Variants in SKIC3 observed in about 807,000 individuals in gnomAD.
SKIC3 encodes the protein superkiller complex protein 3.
chr5:95,487,744 A>C, the SKIC3 span, among the ~76,000 whole-genome samples: 1 of 152,232 alleles, frequency 6.6e-6, no homozygotes, highest in Admixed American at 6.5e-5. Context: ...CTAGATATGC[A>C]TATATCAATG....
the SKIC3 span, chr5:95,525,574 TA>T: frequency 1.2e-6 from 2 of 1,613,964 alleles, no homozygotes; most frequent in Non-Finnish European, 1.7e-6. Flanking sequence ...TCAGTTTGAA[TA>T]AAAAAGCCAA....
the SKIC3 span, chr5:95,513,405 C>A: frequency 1.4e-6 from 1 of 701,384 alleles, no homozygotes; most frequent in Non-Finnish European, 2.5e-6. Flanking sequence ...CAGGGTCTTG[C>A]TATATTGTCC....
the SKIC3 span, among the ~76,000 whole-genome samples, chr5:95,538,705 A>G: frequency 6.6e-6 from 1 of 152,148 alleles, no homozygotes; most frequent in African/African-American, 2.4e-5. Context: ...TAGTCTTACA[A>G]AAATTCTCTT....
the SKIC3 span, among the ~76,000 whole-genome samples, chr5:95,499,156 G>A: frequency 6.6e-6 from 1 of 152,146 alleles, no homozygotes; most frequent in South Asian, 2.1e-4. Context: ...AAGTGATATG[G>A]TTTGGACCTG....
At chr5:95,529,264 T>C in the SKIC3 span, 18 of 710,348 alleles carry the variant, frequency 2.5e-5, no homozygotes, top group East Asian at 3.3e-4. Context: ...TTCCCCACCA[T>C]ACATTTTTCT....
the SKIC3 span, among the ~76,000 whole-genome samples, chr5:95,504,876 G>C: frequency 6.6e-6 from 1 of 151,924 alleles, no homozygotes; most frequent in Non-Finnish European, 1.5e-5. Flanking sequence ...ATGGTGGTGG[G>C]TGCCTGTAAT....
the SKIC3 span, chr5:95,497,595 A>G: frequency 3.7e-6 from 3 of 808,994 alleles, no homozygotes; most frequent in Non-Finnish European, 6.1e-6. Context: ...TATCTAAAAC[A>G]AGTTCATATT....
At chr5:95,540,939 G>A in the SKIC3 span, 8 of 1,090,730 alleles carry the variant, frequency 7.3e-6, no homozygotes, top group Non-Finnish European at 1.1e-5. Flanking sequence ...TATAAAAATA[G>A]CAAAAGCATA....
the SKIC3 span, among the ~76,000 whole-genome samples, chr5:95,546,029 G>A: frequency 3.3e-5 from 5 of 151,960 alleles, no homozygotes; most frequent in Admixed American, 2.0e-4. Flanking sequence ...TATCCTAAAC[G>A]CTTTTTCCAT....
the SKIC3 span, among the ~76,000 whole-genome samples, chr5:95,472,329 TTC>T: frequency 6.6e-6 from 1 of 152,214 alleles, no homozygotes; most frequent in Non-Finnish European, 1.5e-5. Flanking sequence ...CTGTTGACCA[TTC>T]TCTCCCAGAA....
chr5:95,488,007 C>G, the SKIC3 span, among the ~76,000 whole-genome samples: 41 of 151,876 alleles, frequency 2.7e-4, 1 homozygote, highest in Admixed American at 2.4e-3. Flanking sequence ...AATAACCAAA[C>G]AAATTCTAGA....
At chr5:95,467,408 A>G in the SKIC3 span, among the ~76,000 whole-genome samples, 1 of 152,162 alleles carries the variant, frequency 6.6e-6, no homozygotes, top group Non-Finnish European at 1.5e-5. Flanking sequence ...GTACTCAAAA[A>G]GTGTCAGATT....
At chr5:95,544,058 A>C in the SKIC3 span, among the ~76,000 whole-genome samples, 1,547 of 152,344 alleles carry the variant, frequency 0.01, 19 homozygotes, top group South Asian at 0.036. Flanking sequence ...CCATGAGTTA[A>C]GCGAGTCATA....
the SKIC3 span, among the ~76,000 whole-genome samples, chr5:95,524,910 G>C: frequency 6.6e-6 from 1 of 151,680 alleles, no homozygotes; most frequent in Non-Finnish European, 1.5e-5. Flanking sequence ...TTGAGTCCGA[G>C]TCTTGCTCTG....
At chr5:95,478,628 C>A in the SKIC3 span, among the ~76,000 whole-genome samples, 8 of 152,242 alleles carry the variant, frequency 5.3e-5, no homozygotes, top group African/African-American at 9.6e-5. Flanking sequence ...CTTTTAACAA[C>A]AGCTGCCTAT....
chr5:95,532,729 T>C, the SKIC3 span, among the ~76,000 whole-genome samples: 3 of 152,236 alleles, frequency 2.0e-5, no homozygotes, highest in East Asian at 3.9e-4. Flanking sequence ...TTAAAACAGT[T>C]AGACAATATT....
chr5:95,495,331 T>TC, the SKIC3 span: 1 of 282,740 alleles, frequency 3.5e-6, no homozygotes, highest in African/African-American at 2.2e-5. Flanking sequence ...CTGAGAGAGA[T>TC]CACAAAGATA....
At chr5:95,525,594 G>T in the SKIC3 span, 1 of 1,613,964 alleles carries the variant, frequency 6.2e-7, no homozygotes, top group East Asian at 2.2e-5. Context: ...AACCTTTGCA[G>T]CTTCATCAAA....
the SKIC3 span, among the ~76,000 whole-genome samples, chr5:95,499,534 A>T: frequency 6.6e-6 from 1 of 152,328 alleles, no homozygotes; most frequent in Admixed American, 6.5e-5. Context: ...CAGTGTGAGA[A>T]CTAATACACT....
Sources: gnomAD v4.1 joint callset for allele counts (sites outside exome capture counted in the v4.1 genomes callset) on GRCh38, gnomAD v4.1.1 for gene constraint, MANE v1.5 for transcripts, NCBI Gene and HGNC (gene_info 2026-07-23, HGNC 2026-07-21) for gene names.